RAD51B: variants seen among roughly 807,000 people sequenced by gnomAD.
RAD51B encodes RAD51 paralog B, also known as DNA repair protein RAD51 homolog 2.
RAD51B carries 38 observed loss-of-function variants against 42.2 expected under a neutral mutation model. That is an observed-to-expected ratio of 0.90 (90% confidence interval 0.70 to 1.18). The LOEUF (loss-of-function observed/expected upper bound fraction) is 1.18, where lower values mean the gene tolerates loss of function less well. Ranked by LOEUF, RAD51B falls within the 50% of genes most tolerant of loss-of-function variation. The probability of loss-of-function intolerance (pLI) is 0.00; values close to 1 mark genes in which losing one functional copy is unlikely to be tolerated. For synonymous variants in RAD51B, 154 were observed against 145.2 expected (o/e 1.06, Z -0.43); for missense variants, 373 against 400.7 (o/e 0.93, Z 0.59).
intron 7 of RAD51B, among the ~76,000 whole-genome samples, chr14:67,963,221 T>C (rs2074705650): frequency 6.6e-6 from 1 of 152,092 alleles, no homozygotes; most frequent in Non-Finnish European, 1.5e-5. Flanking sequence ...TGTATCCATG[T>C]GTATAGAATT....
intron 7 of RAD51B, among the ~76,000 whole-genome samples, chr14:68,061,441 T>C (rs1348196383): frequency 6.6e-6 from 1 of 152,162 alleles, no homozygotes; most frequent in Non-Finnish European, 1.5e-5. Flanking sequence ...ATGTCATTAG[T>C]ATTTTGAGGG....
chr14:68,353,358 G>A (rs781525677), intron 8 of RAD51B, among the ~76,000 whole-genome samples: 14 of 152,222 alleles, frequency 9.2e-5, no homozygotes, highest in Non-Finnish European at 1.0e-4. Context: ...TTTAGCGAGA[G>A]GATATGAGCC....
At chr14:68,522,018 G>A (rs1204267064) in intron 10 of RAD51B, among the ~76,000 whole-genome samples, 3 of 152,180 alleles carry the variant, frequency 2.0e-5, no homozygotes, top group Non-Finnish European at 1.5e-5. Context: ...GGCTGTGGCT[G>A]GATGAGAGAT....
chr14:68,202,216 A>C (rs1473367136), intron 7 of RAD51B, among the ~76,000 whole-genome samples: 1 of 152,176 alleles, frequency 6.6e-6, no homozygotes, highest in South Asian at 2.1e-4. Flanking sequence ...TTGCTGGTGG[A>C]GTGTTTTGCC....
In RAD51B at chr14:68,419,759, G is replaced by A. The variant is rs555040946; in HGVS notation, c.957+8232G>A. 5.5e-4 allele frequency among the ~76,000 whole-genome samples: 84 copies of A among 152,166 alleles called. 1 individual carries two copies. The highest frequency in any genetic ancestry group is 2.0e-3 in the African/African-American group (82 of 41,472). Reference sequence around the variant, plus strand: ...ATCTTGCGAGCATGGGAGCTTTTTGGTTATCACATTTTTGAGTCAGTCAAT... The same window carrying A: ...ATCTTGCGAGCATGGGAGCTTTTTGATTATCACATTTTTGAGTCAGTCAAT... On this transcript the variant is annotated intron_variant, in intron 9 of 10. Coordinates refer to ENST00000471583, the MANE Select transcript of RAD51B (RefSeq NM_133510.4).
At chr14:67,846,481 C>G (rs7152445) in intron 4 of RAD51B, among the ~76,000 whole-genome samples, 3,706 of 152,162 alleles carry the variant, frequency 0.024, 71 homozygotes, top group African/African-American at 0.055. Flanking sequence ...AACGGTAGGG[C>G]AGGTGGGGGC....
At chr14:68,161,335 A>C (rs928778394) in intron 7 of RAD51B, among the ~76,000 whole-genome samples, 2 of 152,174 alleles carry the variant, frequency 1.3e-5, no homozygotes, top group African/African-American at 4.8e-5. Context: ...CACCAGGTGT[A>C]TACTCTACTA....
chr14:68,369,407 A>G (rs1299526068), intron 8 of RAD51B, among the ~76,000 whole-genome samples: 1 of 152,184 alleles, frequency 6.6e-6, no homozygotes, highest in African/African-American at 2.4e-5. Flanking sequence ...TCCGTGAGAA[A>G]ATGAGAGCAC....
chr14:68,529,466 A>G (rs1330634049), intron 10 of RAD51B, among the ~76,000 whole-genome samples: 1 of 152,250 alleles, frequency 6.6e-6, no homozygotes, highest in African/African-American at 2.4e-5. Flanking sequence ...CTAGGAAAGA[A>G]CGTTGAAAAA....
At chr14:68,247,644 T>G (rs1436291060) in intron 7 of RAD51B, among the ~76,000 whole-genome samples, 1 of 152,218 alleles carries the variant, frequency 6.6e-6, no homozygotes, top group Non-Finnish European at 1.5e-5. Context: ...CGGAACATAA[T>G]TTTAAGGAGA....
rs1566778275 is a variant in RAD51B at position 68,275,835 on chromosome 14, CACACA to C, written c.757-16048_757-16044del. The stretch of plus-strand genomic sequence containing the variant: ...ACACACACACACACACACACACACA[CACACA>C]CCCTTGAATTCTCAGCTGACATGTT... On this transcript the variant is annotated intron_variant, in intron 7 of 10. Coordinates refer to ENST00000471583, the MANE Select transcript of RAD51B (RefSeq NM_133510.4). Among the ~76,000 whole-genome samples the C allele has an allele frequency of 5.3e-3, 731 of 138,926 alleles. 11 individuals are homozygous for C. Among genetic ancestry groups the C allele is most frequent in the African/African-American group, 0.019 (700 of 37,346 alleles). The allele number at this position is 138,926 out of a possible 152,430, so 91.1% of individuals were successfully genotyped here.
chr14:68,182,663 A>G (rs942262714), intron 7 of RAD51B, among the ~76,000 whole-genome samples: 1 of 152,232 alleles, frequency 6.6e-6, no homozygotes, highest in African/African-American at 2.4e-5. Flanking sequence ...TCCTCACCAC[A>G]TTGTAGAAAC....
chr14:67,840,786 C>CAGCATCTATT (rs1306124538), intron 4 of RAD51B, among the ~76,000 whole-genome samples: 2 of 151,222 alleles, frequency 1.3e-5, no homozygotes, highest in Non-Finnish European at 1.5e-5. Flanking sequence ...GCACCCTTTC[C>CAGCATCTATT]AGCATCTATT....
chr14:68,374,436 T>C (rs974558112), intron 8 of RAD51B, among the ~76,000 whole-genome samples: 2 of 152,200 alleles, frequency 1.3e-5, no homozygotes, highest in African/African-American at 4.8e-5. Context: ...AAACTTTTGC[T>C]CTTCTCAGAG....
intron 11 of RAD51B, among the ~76,000 whole-genome samples, chr14:68,676,875 C>T (rs372312478): frequency 5.9e-5 from 9 of 152,336 alleles, no homozygotes; most frequent in African/African-American, 1.7e-4. Context: ...GCAGGGCCAG[C>T]GTGAGGTCAG....
chr14:68,428,993 G>T (rs1350809382), intron 9 of RAD51B, among the ~76,000 whole-genome samples: 1 of 150,646 alleles, frequency 6.6e-6, no homozygotes, highest in African/African-American at 2.5e-5. Flanking sequence ...CTATGAGTGA[G>T]AACATGCAGT....
At chr14:68,392,542 A>T (rs2083788963) in intron 8 of RAD51B, among the ~76,000 whole-genome samples, 1 of 152,216 alleles carries the variant, frequency 6.6e-6, no homozygotes, top group South Asian at 2.1e-4. Context: ...CACTGGGTGG[A>T]CAGTGGATGA....
intron 7 of RAD51B, among the ~76,000 whole-genome samples, chr14:68,224,619 A>G (rs1210165017): frequency 1.3e-5 from 2 of 152,168 alleles, no homozygotes; most frequent in African/African-American, 4.8e-5. Flanking sequence ...ATATTAACAT[A>G]TGGCTTAAGA....
intron 10 of RAD51B, among the ~76,000 whole-genome samples, chr14:68,631,519 A>G (rs147156655): frequency 3.3e-4 from 51 of 152,316 alleles, no homozygotes; most frequent in African/African-American, 1.1e-3. Flanking sequence ...TTAATGTGCT[A>G]GAATGGATGG....
Sources: allele counts gnomAD v4.1 joint callset (sites outside exome capture counted in the v4.1 genomes callset), GRCh38; gene constraint gnomAD v4.1.1; transcripts MANE v1.5; gene names NCBI Gene and HGNC (gene_info 2026-07-23, HGNC 2026-07-21).